The following MACF1 variants were observed in gnomAD, a reference collection of about 807,000 sequenced individuals.
MACF1 encodes the protein microtubule-actin cross-linking factor 1.
In MACF1, 193 loss-of-function variants were observed where a neutral mutation model predicts 854.8. The observed-to-expected ratio is 0.23, with a 90% confidence interval of 0.20 to 0.25. The LOEUF is 0.25. Ranked by LOEUF, MACF1 falls within the 10% of genes least tolerant of loss-of-function variation. The pLI is 1.00. For missense variants in MACF1, 7,722 were observed against 8,929.1 expected (o/e 0.86, Z 5.45); for synonymous variants, 3,185 against 3,226.7 (o/e 0.99, Z 0.44).
intron 52 of MACF1, among the ~76,000 whole-genome samples, chr1:39,375,201 G>A (rs949045099): frequency 2.0e-5 from 3 of 152,082 alleles, no homozygotes; most frequent in Non-Finnish European, 2.9e-5. Context: ...GCATTTATCT[G>A]TTATGAAATC....
intron 58 of MACF1, chr1:39,414,682 C>T (rs1228357896): frequency 6.7e-6 from 5 of 747,728 alleles, no homozygotes; most frequent in Non-Finnish European, 1.0e-5. Context: ...TTTCATGCTT[C>T]GTTTTTTATT....
chr1:39,221,396 A>G (rs557653782), intron 1 of MACF1, among the ~76,000 whole-genome samples: 2 of 152,308 alleles, frequency 1.3e-5, no homozygotes, highest in South Asian at 2.1e-4. Flanking sequence ...ACAGCTATCA[A>G]TTTTTAACTC....
At chr1:39,440,335 G>A (rs546817813) in intron 72 of MACF1, among the ~76,000 whole-genome samples, 3 of 150,916 alleles carry the variant, frequency 2.0e-5, no homozygotes, top group African/African-American at 7.3e-5. Context: ...AGAACTCCTG[G>A]GCTCAAGCAA....
chr1:39,412,486 A>G, intron 58 of MACF1: 1 of 1,614,086 alleles, frequency 6.2e-7, no homozygotes, highest in Non-Finnish European at 8.5e-7. Context: ...ACATTTCCAC[A>G]GAAACTTCCC....
intron 6 of MACF1, among the ~76,000 whole-genome samples, chr1:39,273,783 G>C (rs1017966116): frequency 1.3e-5 from 2 of 151,976 alleles, no homozygotes; most frequent in African/African-American, 4.8e-5. Context: ...ATAGAGACAG[G>C]GTTTCACCGT....
At chr1:39,253,292 T>G (rs981244603) in intron 4 of MACF1, among the ~76,000 whole-genome samples, 15 of 152,102 alleles carry the variant, frequency 9.9e-5, no homozygotes, top group Non-Finnish European at 2.1e-4. Context: ...CTGGCATAAC[T>G]TTCTCAGGAG....
At position 39,432,990 on chromosome 1, in the gene MACF1, T is replaced by G; in HGVS notation, c.17458-58T>G. ...CTTTTTCATAGATTTTGTCTTAACCTTTAGTAATAACAGGAAAAGGGTCTT... is the reference window on the plus strand; with the variant it reads ...CTTTTTCATAGATTTTGTCTTAACCGTTAGTAATAACAGGAAAAGGGTCTT... On this transcript the variant is annotated intron_variant, in intron 67 of 100. Transcript: ENST00000564288. 2.3e-5 allele frequency: 26 copies of G among 1,110,794 alleles called. No individual in the cohort carries two copies. In the South Asian group the frequency reaches 3.6e-4, roughly 15 times the overall value. 68.8% of individuals were successfully genotyped at this position (1,110,794 alleles called of 1,614,324 possible). A position where few individuals can be genotyped will look rare whatever the true frequency, so the allele number is the denominator to read the frequency against.
intron 82 of MACF1, 44 bp downstream of exon 82, chr1:39,447,942 G>T: frequency 6.2e-7 from 1 of 1,611,904 alleles, no homozygotes; most frequent in Non-Finnish European, 8.5e-7. Context: ...AGAGTCTTGG[G>T]CTGCATGTAT....
intron 58 of MACF1, among the ~76,000 whole-genome samples, chr1:39,393,139 T>G (rs1642100973): frequency 6.9e-6 from 1 of 144,850 alleles, no homozygotes; most frequent in Non-Finnish European, 1.5e-5. Flanking sequence ...TCACTGAAAC[T>G]TGAGCCAAAG....
rs759620029 is a variant in MACF1 at position 39,293,439 on chromosome 1, T to C, written c.1993-19T>C. 13 of 1,601,572 alleles carry C rather than the reference T, an allele frequency of 8.1e-6. No homozygotes were observed. Among genetic ancestry groups the C allele is most frequent in the East Asian group, 2.2e-5 (1 of 44,756 alleles). On this transcript the variant is annotated intron_variant, in intron 17 of 100. Coordinates refer to ENST00000564288, the MANE Select transcript of MACF1 (RefSeq NM_001394062.1). ...TACAAAGGCTGCCAGTCTAATCTTATAATCCTTGCTTTGTCTAGGAAACTT... is the reference window on the plus strand; with the variant it reads ...TACAAAGGCTGCCAGTCTAATCTTACAATCCTTGCTTTGTCTAGGAAACTT...
chr1:39,368,361 T>C (rs1648917036), intron 50 of MACF1, 47 bp downstream of exon 50: 2 of 1,538,356 alleles, frequency 1.3e-6, no homozygotes, highest in African/African-American at 1.4e-5. Context: ...TATTTTTTCT[T>C]GTTATGGAGT....
chr1:39,221,560 C>A (rs1323608186), intron 1 of MACF1, among the ~76,000 whole-genome samples: 1 of 152,142 alleles, frequency 6.6e-6, no homozygotes, highest in African/African-American at 2.4e-5. Flanking sequence ...TTTTCATTAT[C>A]TTGAAGTTCT....
intron 2 of MACF1, among the ~76,000 whole-genome samples, chr1:39,178,871 A>G (rs967431994): frequency 6.6e-6 from 1 of 152,178 alleles, no homozygotes; most frequent in Non-Finnish European, 1.5e-5. Context: ...TGGAGACTTA[A>G]TGCGTATTGA....
chr1:39,304,717 C>T (rs1646133126), intron 23 of MACF1: 1 of 363,930 alleles, frequency 2.7e-6, no homozygotes, highest in African/African-American at 2.1e-5. Context: ...GCGCCCGTCA[C>T]CATGCCCTGC....
chr1:39,387,121 C>T (rs1458545183), intron 57 of MACF1, 66 bp from the exon 58 acceptor site: 11 of 1,547,390 alleles, frequency 7.1e-6, no homozygotes. Context: ...ACCGTATACT[C>T]TCAGCAAACA....
At position 39,433,028 on chromosome 1, in the gene MACF1, C is replaced by A; in HGVS notation, c.17458-20C>A. On this transcript the variant is annotated intron_variant, in intron 67 of 100. Coordinates refer to ENST00000564288, the MANE Select transcript of MACF1 (RefSeq NM_001394062.1). ...GGAAAAGGGTCTTTTTACTTCTTAA[C>A]TACAGTTTACTTTTCAAAGGCTTTC... 1 of 1,478,730 alleles carries A rather than the reference C, an allele frequency of 6.8e-7. No individual in the cohort carries two copies. The highest frequency in any genetic ancestry group is 9.4e-7 in the Non-Finnish European group (1 of 1,064,824). 91.6% of individuals were successfully genotyped at this position (1,478,730 alleles called of 1,614,324 possible).
Position 39,335,472 on chromosome 1 carries a change from G to T in MACF1, c.8884G>T (p.Val2962Phe). 1 of 1,614,184 alleles carries T rather than the reference G, an allele frequency of 6.2e-7. No homozygotes were observed. Among genetic ancestry groups the T allele is most frequent in the Non-Finnish European group, 8.5e-7 (1 of 1,180,026 alleles). ...GTCAGGCAAATTGCCGAGTGAGCAG[G>T]TTTTGCAGCAACCAATGAATGCTCG... ...ETSGKLPSEQ[V>F]LQQPMNARVK... Residue 2962 changes from valine (V) to phenylalanine (F), a missense_variant, in exon 37 of 101, where the codon GTT (valine) becomes TTT (phenylalanine). By Grantham distance (50) the Val-to-Phe change is conservative (BLOSUM62 -1). Coordinates refer to ENST00000564288, the MANE Select transcript of MACF1 (RefSeq NM_001394062.1).
rs1325652084 is a variant in MACF1 at position 39,340,797 on chromosome 1, T to C, written c.10432-7T>C. On this transcript the variant is annotated splice_polypyrimidine_tract_variant and splice_region_variant and intron_variant, in intron 39 of 100. Coordinates refer to ENST00000564288, the MANE Select transcript of MACF1 (RefSeq NM_001394062.1). ...TTTCATAATGTGATTTTCCATTTAT[T>C]TCTTAGACTAAAGTGTTAAATCAGC... 4 of 1,612,242 alleles carry C rather than the reference T, an allele frequency of 2.5e-6. No individual in the cohort carries two copies. Among genetic ancestry groups the C allele is most frequent in the Non-Finnish European group, 3.4e-6 (4 of 1,179,432 alleles).
intron 58 of MACF1, chr1:39,413,740 G>A (rs55976345): frequency 2.4e-5 from 29 of 1,220,980 alleles, no homozygotes; most frequent in South Asian, 1.8e-4. Flanking sequence ...ATCCGCCTCC[G>A]CAGCTGTTGC....
Sources: allele counts gnomAD v4.1 joint callset (sites outside exome capture counted in the v4.1 genomes callset), GRCh38; gene constraint gnomAD v4.1.1; transcripts MANE v1.5; gene names NCBI Gene and HGNC (gene_info 2026-07-23, HGNC 2026-07-21).